AHI1: variants seen among roughly 807,000 people sequenced by gnomAD.
The protein encoded by AHI1 is jouberin.
AHI1 carries 123 observed loss-of-function variants against 149.3 expected under a neutral mutation model. The ratio of observed to expected loss-of-function variants is 0.82; its 90% CI spans 0.71 to 0.96. AHI1 has a LOEUF of 0.96. Among genes scored for constraint, AHI1 ranks in the 40% least tolerant of loss-of-function variants. The pLI is 0.00. For missense variants in AHI1, 1,439 were observed against 1,422.7 expected (o/e 1.01, Z -0.18); for synonymous variants, 475 against 459.8 (o/e 1.03, Z -0.42).
chr6:135,423,909 T>C (rs1783576358), intron 20 of AHI1, among the ~76,000 whole-genome samples: 1 of 151,990 alleles, frequency 6.6e-6, no homozygotes, highest in African/African-American at 2.4e-5. Flanking sequence ...ACTTCTCAAA[T>C]TAGACTTGAC....
intron 27 of AHI1, among the ~76,000 whole-genome samples, chr6:135,298,060 A>G (rs749357378): frequency 3.5e-4 from 53 of 152,330 alleles, no homozygotes; most frequent in Admixed American, 2.3e-3. Flanking sequence ...AATACAGGCT[A>G]TATTAGTTAA....
At chr6:135,460,315 C>T (rs950226740) in intron 8 of AHI1, among the ~76,000 whole-genome samples, 62 of 152,184 alleles carry the variant, frequency 4.1e-4, no homozygotes, top group Middle Eastern at 3.4e-3. Context: ...TTTTTAAATG[C>T]CATTTATAAT....
At chr6:135,412,246 G>C (rs1041473596) in intron 20 of AHI1, among the ~76,000 whole-genome samples, 5 of 152,122 alleles carry the variant, frequency 3.3e-5, no homozygotes, top group Admixed American at 6.6e-5. Context: ...ATTAGGTATT[G>C]TAAGTAATCT....
intron 5 of AHI1, among the ~76,000 whole-genome samples, chr6:135,476,680 G>A (rs1169143647): frequency 6.6e-6 from 1 of 151,908 alleles, no homozygotes; most frequent in Non-Finnish European, 1.5e-5. Context: ...TACACAGTCA[G>A]TTATATCCTT....
chr6:135,320,559 G>A (rs1157813185), intron 25 of AHI1, among the ~76,000 whole-genome samples: 1 of 152,138 alleles, frequency 6.6e-6, no homozygotes, highest in East Asian at 1.9e-4. Context: ...CTGAAGTGTT[G>A]GGATTACAGG....
intron 3 of AHI1, among the ~76,000 whole-genome samples, chr6:135,494,263 T>C (rs1795665509): frequency 6.6e-6 from 1 of 152,206 alleles, no homozygotes; most frequent in Admixed American, 6.5e-5. Flanking sequence ...CAAAGGGTTG[T>C]TGTAAGGGTT....
At chr6:135,355,666 T>C (rs6905243) in intron 24 of AHI1, among the ~76,000 whole-genome samples, 4,442 of 152,160 alleles carry the variant, frequency 0.029, 212 homozygotes, top group African/African-American at 0.1. Context: ...TTTGGGAGGC[T>C]GAGGTGGGCA....
intron 2 of AHI1, 98 bp downstream of exon 2, chr6:135,497,090 G>A (rs1394053679): frequency 6.6e-6 from 1 of 152,100 alleles, no homozygotes; most frequent in Non-Finnish European, 1.5e-5. Context: ...CCTTTGATAA[G>A]GATTCTTAAA....
chr6:135,455,991 T>A, intron 9 of AHI1, 65 bp from the exon 10 acceptor site: 1 of 1,175,784 alleles, frequency 8.5e-7, no homozygotes, highest in South Asian at 2.7e-5. Context: ...AAAAAATATA[T>A]AGTGTACAAG....
intron 23 of AHI1, among the ~76,000 whole-genome samples, chr6:135,383,409 A>C (rs1417816736): frequency 6.6e-6 from 1 of 151,054 alleles, no homozygotes; most frequent in Non-Finnish European, 1.5e-5. Context: ...TTAAAAAAAC[A>C]TTTTTTTTAA....
At chr6:135,457,158 C>T (rs1789098563) in intron 9 of AHI1, among the ~76,000 whole-genome samples, 1 of 152,136 alleles carries the variant, frequency 6.6e-6, no homozygotes, top group South Asian at 2.1e-4. Context: ...GTGGCGAGTG[C>T]CTGTAATCCC....
chr6:135,463,260 CT>C lies in AHI1; in HGVS notation c.795del (p.Glu266AsnfsTer17). 6.2e-7 allele frequency: 1 copy of C among 1,610,196 alleles called. No homozygotes were observed. Among genetic ancestry groups the C allele is most frequent in the Non-Finnish European group, 8.5e-7 (1 of 1,179,250 alleles). ...SGDTVEGEQKKESSVRSVSSD... is the reference protein window; with the variant it reads ...SGDTVEGEQKXESSVRSVSSD... Reference sequence around the variant, plus strand: ...GAAGAAACTGATCTAACTGAAGATTCTTTCTTTTGTTCACCTTCAACTGTGT... The same window carrying C: ...GAAGAAACTGATCTAACTGAAGATTCTTCTTTTGTTCACCTTCAACTGTGT... On this transcript the variant is annotated frameshift_variant, in exon 8 of 29. Transcript: ENST00000265602. LOFTEE classifies it high-confidence loss of function.
intron 24 of AHI1, among the ~76,000 whole-genome samples, chr6:135,338,890 G>A (rs1309183507): frequency 6.6e-6 from 1 of 151,372 alleles, no homozygotes; most frequent in Non-Finnish European, 1.5e-5. Context: ...CTGTGTAGCA[G>A]CTCCCTGAAA....
chr6:135,482,476 T>C (rs1793810067), intron 5 of AHI1, among the ~76,000 whole-genome samples: 1 of 152,104 alleles, frequency 6.6e-6, no homozygotes, highest in African/African-American at 2.4e-5. Context: ...ACTGTTTTTT[T>C]TTTTGTTTGT....
At chr6:135,401,873 C>T (rs111319638) in intron 22 of AHI1, among the ~76,000 whole-genome samples, 3 of 152,074 alleles carry the variant, frequency 2.0e-5, no homozygotes, top group East Asian at 3.9e-4. Context: ...CAAAAGACAT[C>T]ATTAAGAAAG....
intron 26 of AHI1, among the ~76,000 whole-genome samples, chr6:135,310,553 A>T (rs2128364998): frequency 6.6e-6 from 1 of 152,370 alleles, no homozygotes; most frequent in African/African-American, 2.4e-5. Flanking sequence ...CTTTGGAATT[A>T]AGCCAGCATG....
At position 135,448,342 on chromosome 6, in the gene AHI1, T is replaced by C; in HGVS notation, c.1574A>G (p.His525Arg). 6.2e-7 allele frequency: 1 copy of C among 1,611,302 alleles called. No homozygotes were observed. The highest frequency in any genetic ancestry group is 8.5e-7 in the Non-Finnish European group (1 of 1,178,198). ...AGTTACGTACAGTGTTGATGGGTAA[T>C]GATTTCTTGGACATTTTGACCACCA... ...FEWWSKCPRNHYPSTLYVTVR... is the reference protein window; with the variant it reads ...FEWWSKCPRNRYPSTLYVTVR... Residue 525 changes from histidine (H) to arginine (R), a missense_variant, in exon 12 of 29, where the codon CAT becomes CGT. His to Arg is a conservative substitution (Grantham distance 29, BLOSUM62 0). Transcript: ENST00000265602.
chr6:135,411,210 C>T (rs1781537159), intron 21 of AHI1, 138 bp downstream of exon 21: 2 of 816,264 alleles, frequency 2.5e-6, no homozygotes, highest in African/African-American at 3.5e-5. Context: ...GAATAAGTAC[C>T]TGAAAGGAAC....
At chr6:135,334,687 T>A (rs533434542) in intron 24 of AHI1, among the ~76,000 whole-genome samples, 1 of 152,362 alleles carries the variant, frequency 6.6e-6, no homozygotes, top group Non-Finnish European at 1.5e-5. Context: ...CAGACCTTTA[T>A]ACATTGGACT....
Sources: allele counts gnomAD v4.1 joint callset (sites outside exome capture counted in the v4.1 genomes callset), GRCh38; gene constraint gnomAD v4.1.1; transcripts MANE v1.5; gene names NCBI Gene and HGNC (gene_info 2026-07-23, HGNC 2026-07-21).